Variants in NTRK2 observed in about 807,000 individuals in gnomAD.
NTRK2 encodes BDNF/NT-3 growth factors receptor.
Under a neutral mutation model 94.5 loss-of-function variants are expected in NTRK2, and 13 were observed. That is an observed-to-expected ratio of 0.14 (90% CI 0.09 to 0.22). The LOEUF is 0.22. NTRK2 is among the 10% of genes least tolerant of loss of function. The pLI is 1.00. For synonymous variants in NTRK2, 372 were observed against 407.4 expected, an observed-to-expected ratio of 0.91 and a Z score of 1.05; for missense variants, 639 against 1,071.2, an observed-to-expected ratio of 0.60 and a Z score of 5.63.
At chr9:84,791,059 C>A (rs1018017683) in intron 12 of NTRK2, among the ~76,000 whole-genome samples, 5 of 152,198 alleles carry the variant, frequency 3.3e-5, no homozygotes, top group African/African-American at 1.2e-4. Flanking sequence ...AATAAAGATT[C>A]TCTAACTTAC....
intron 17 of NTRK2, among the ~76,000 whole-genome samples, chr9:85,006,609 C>CAAGGAGGCTG (rs1564544616): frequency 6.6e-6 from 1 of 152,130 alleles, no homozygotes; most frequent in African/African-American, 2.4e-5. Flanking sequence ...AAGAAAGACA[C>CAAGGAGGCTG]CCCTGGGGAC....
intron 12 of NTRK2, among the ~76,000 whole-genome samples, chr9:84,785,150 T>C (rs912974787): frequency 1.3e-5 from 2 of 152,220 alleles, no homozygotes; most frequent in Non-Finnish European, 2.9e-5. Context: ...GAACAGATGA[T>C]GTTAGCAGTG....
At chr9:84,837,663 C>T (rs1490687897) in intron 12 of NTRK2, among the ~76,000 whole-genome samples, 1 of 152,146 alleles carries the variant, frequency 6.6e-6, no homozygotes, top group Non-Finnish European at 1.5e-5. Context: ...AGAATAATCA[C>T]ATGCTACTAT....
intron 17 of NTRK2, among the ~76,000 whole-genome samples, chr9:84,987,594 A>G (rs1449995056): frequency 6.6e-6 from 1 of 152,246 alleles, no homozygotes; most frequent in Non-Finnish European, 1.5e-5. Context: ...AATCAGTGAC[A>G]CCAAGTTGAA....
At chr9:84,925,100 G>A (rs946040101) in intron 14 of NTRK2, among the ~76,000 whole-genome samples, 1 of 151,808 alleles carries the variant, frequency 6.6e-6, no homozygotes, top group Admixed American at 6.6e-5. Flanking sequence ...TCTCTTCTCT[G>A]TTCAGAATTT....
chr9:84,870,364 T>TATAAAA (rs1470777504), intron 14 of NTRK2, among the ~76,000 whole-genome samples: 1 of 131,676 alleles, frequency 7.6e-6, no homozygotes, highest in Admixed American at 8.1e-5. Context: ...TATATATATA[T>TATAAAA]AAAACTCTGT....
chr9:85,014,094 G>A (rs1831948008), intron 17 of NTRK2, among the ~76,000 whole-genome samples: 1 of 152,194 alleles, frequency 6.6e-6, no homozygotes, highest in Non-Finnish European at 1.5e-5. Context: ...GGTGGGGTAT[G>A]ATCCTTTGGG....
At chr9:84,974,782 T>C (rs564522517) in intron 17 of NTRK2, among the ~76,000 whole-genome samples, 2 of 152,188 alleles carry the variant, frequency 1.3e-5, no homozygotes, top group East Asian at 3.9e-4. Context: ...TGGAGGTGCA[T>C]GTCTCCTCCC....
intron 17 of NTRK2, among the ~76,000 whole-genome samples, chr9:84,991,331 C>T (rs555200263): frequency 3.3e-5 from 5 of 152,244 alleles, no homozygotes; most frequent in East Asian, 1.9e-4. Context: ...TGCTTCCCTC[C>T]GTATTTCTGT....
chr9:84,820,713 G>A (rs922775151), intron 12 of NTRK2, among the ~76,000 whole-genome samples: 3 of 152,118 alleles, frequency 2.0e-5, no homozygotes, highest in Non-Finnish European at 4.4e-5. Context: ...TCCAACCTGC[G>A]TTGTTCAAGG....
At chr9:84,948,671 C>G (rs371906307) in intron 16 of NTRK2, 37 bp downstream of exon 16, 3 of 1,602,510 alleles carry the variant, frequency 1.9e-6, no homozygotes, top group Non-Finnish European at 2.6e-6. Flanking sequence ...CAGGAGGGAG[C>G]AGGCCTTCAG....
At chr9:84,829,995 T>C (rs921692262) in intron 12 of NTRK2, among the ~76,000 whole-genome samples, 3 of 152,236 alleles carry the variant, frequency 2.0e-5, no homozygotes, top group Admixed American at 1.3e-4. Context: ...CCTGTGGGTA[T>C]TACTGCACCA....
At chr9:84,842,310 C>A (rs966489575) in intron 12 of NTRK2, among the ~76,000 whole-genome samples, 15 of 152,180 alleles carry the variant, frequency 9.9e-5, no homozygotes, top group African/African-American at 3.6e-4. Flanking sequence ...AAATCATACT[C>A]CCCATGGCTG....
chr9:84,719,632 A>G (rs1390137964), intron 6 of NTRK2, among the ~76,000 whole-genome samples: 2 of 152,060 alleles, frequency 1.3e-5, no homozygotes, highest in African/African-American at 4.8e-5. Flanking sequence ...GGGTCTGGCT[A>G]TGGAGGGGGT....
chr9:84,821,561 A>C (rs1036587690), intron 12 of NTRK2, among the ~76,000 whole-genome samples: 6 of 152,194 alleles, frequency 3.9e-5, no homozygotes, highest in African/African-American at 1.2e-4. Context: ...AGAAATAATT[A>C]CAAATCCCAA....
chr9:85,025,801 T>A lies in NTRK2; in HGVS notation c.*4364T>A. 1 of 232,960 alleles carries A rather than the reference T, an allele frequency of 4.3e-6. No individual in the cohort carries two copies. Among genetic ancestry groups the A allele is most frequent in the Non-Finnish European group, 8.5e-6 (1 of 117,894 alleles). 14.4% of individuals were successfully genotyped at this position (232,960 alleles called of 1,614,324 possible). ...ATGGCTAGTGACCCAACTCTCCAAATGTCTAAGTTAGTAGTTACAGCTGAT... is the reference window on the plus strand; with the variant it reads ...ATGGCTAGTGACCCAACTCTCCAAAAGTCTAAGTTAGTAGTTACAGCTGAT... On this transcript the variant is annotated 3_prime_UTR_variant, in exon 19 of 19. Coordinates refer to ENST00000277120, the MANE Select transcript of NTRK2 (RefSeq NM_006180.6).
At chr9:84,871,004 T>A (rs1424412220) in intron 14 of NTRK2, among the ~76,000 whole-genome samples, 2 of 152,226 alleles carry the variant, frequency 1.3e-5, no homozygotes, top group South Asian at 2.1e-4. Flanking sequence ...ACTTATATAA[T>A]AAAGACGATT....
At chr9:84,921,608 C>A (rs2077569103) in intron 14 of NTRK2, among the ~76,000 whole-genome samples, 1 of 152,108 alleles carries the variant, frequency 6.6e-6, no homozygotes, top group African/African-American at 2.4e-5. Context: ...TTCCTGCCTG[C>A]ACTGTTCTTA....
At chr9:84,971,656 G>T (rs571891598) in intron 17 of NTRK2, among the ~76,000 whole-genome samples, 1 of 152,188 alleles carries the variant, frequency 6.6e-6, no homozygotes, top group Non-Finnish European at 1.5e-5. Context: ...AGGATTTTTT[G>T]TGATCATAAA....
Sources: gnomAD v4.1 joint callset for allele counts (sites outside exome capture counted in the v4.1 genomes callset) on GRCh38, gnomAD v4.1.1 for gene constraint, MANE v1.5 for transcripts, NCBI Gene and HGNC (gene_info 2026-07-23, HGNC 2026-07-21) for gene names.